The following TMEM132C variants were observed in gnomAD, a reference collection of about 807,000 sequenced individuals.
TMEM132C encodes the protein protein phosphatase 1, regulatory subunit 152.
In TMEM132C, 29 loss-of-function variants were observed where a neutral mutation model predicts 61.4. The observed-to-expected ratio is 0.47, with a 90% CI of 0.35 to 0.64. The LOEUF (loss-of-function observed/expected upper bound fraction) is 0.64. Ranked by LOEUF, TMEM132C falls within the 30% of genes least tolerant of loss-of-function variation. The pLI is 0.00. For synonymous variants in TMEM132C, 656 were observed against 633.1 expected (o/e 1.04, Z -0.54); for missense variants, 1,408 against 1,476.9 (o/e 0.95, Z 0.76).
Position 128,278,091 on chromosome 12 carries a change from C to T in TMEM132C, c.85+10604C>T, listed in dbSNP as rs983085283. On this transcript the variant is annotated intron_variant, in intron 1 of 8. Coordinates refer to ENST00000435159, the MANE Select transcript of TMEM132C (RefSeq NM_001136103.3). This position sits in a 1 kb window ranked among gnomAD's most constrained non-coding sequence, Gnocchi z 4.2. ...GGATCCCTGGGCTGAGTTGCTAAAG[C>T]CTGCCAGTTTCTCATGCCGCAGCTG... Among the ~76,000 whole-genome samples the T allele has an allele frequency of 2.0e-5, 3 of 152,068 alleles. No homozygotes were observed. The highest frequency in any genetic ancestry group is 7.2e-5 in the African/African-American group (3 of 41,420).
At chr12:128,680,358 C>T (rs190182446) in intron 5 of TMEM132C, among the ~76,000 whole-genome samples, 1 of 152,342 alleles carries the variant, frequency 6.6e-6, no homozygotes, top group East Asian at 1.9e-4. Flanking sequence ...TGCCTGATCA[C>T]CAAGCCCACA....
intron 2 of TMEM132C, among the ~76,000 whole-genome samples, chr12:128,430,993 T>A (rs1012998722): frequency 2.0e-5 from 3 of 152,214 alleles, no homozygotes; most frequent in Middle Eastern, 3.2e-3. Context: ...CATCTTTCAC[T>A]TTCAGTCAAA....
chr12:128,682,921 T>A (rs1954646928), intron 5 of TMEM132C, among the ~76,000 whole-genome samples: 1 of 152,186 alleles, frequency 6.6e-6, no homozygotes, highest in Non-Finnish European at 1.5e-5. Flanking sequence ...AACAGGGCAC[T>A]CTTCCTTGGT....
At chr12:128,492,859 G>C (rs181401392) in intron 2 of TMEM132C, among the ~76,000 whole-genome samples, 23 of 152,142 alleles carry the variant, frequency 1.5e-4, no homozygotes, top group African/African-American at 5.3e-4. Flanking sequence ...AGTTTAATTG[G>C]TCCCATTTGT....
intron 2 of TMEM132C, among the ~76,000 whole-genome samples, chr12:128,452,662 C>G (rs1870216369): frequency 6.6e-6 from 1 of 151,750 alleles, no homozygotes; most frequent in Non-Finnish European, 1.5e-5. Flanking sequence ...TGAGATCACA[C>G]CACTGCACTC....
At chr12:128,491,204 G>A (rs1308938036) in intron 2 of TMEM132C, among the ~76,000 whole-genome samples, 1 of 152,172 alleles carries the variant, frequency 6.6e-6, no homozygotes, top group Non-Finnish European at 1.5e-5. Context: ...CATTGATAAG[G>A]AGCAGGAACT....
intron 4 of TMEM132C, among the ~76,000 whole-genome samples, chr12:128,631,720 G>T (rs1954066564): frequency 6.6e-6 from 1 of 152,112 alleles, no homozygotes; most frequent in African/African-American, 2.4e-5. Flanking sequence ...CTAGCCATTT[G>T]TCTCTTTGTC....
Position 128,605,630 on chromosome 12 carries a change from C to A in TMEM132C, c.1122-10522C>A, listed in dbSNP as rs1218189880. On this transcript the variant is annotated intron_variant, in intron 3 of 8. Transcript: ENST00000435159. ...GGATCTGGTGTGATAGCCTTCGACACCCTCAGTGGCATCACGTCAAACCAC... is the reference window on the plus strand; with the variant it reads ...GGATCTGGTGTGATAGCCTTCGACAACCTCAGTGGCATCACGTCAAACCAC... Among the ~76,000 whole-genome samples the A allele has an allele frequency of 5.9e-5, 9 of 152,222 alleles. No homozygotes were observed. In the South Asian group the frequency reaches 1.0e-3, roughly 18 times the overall value.
At chr12:128,655,229 C>T (rs1408976028) in intron 4 of TMEM132C, among the ~76,000 whole-genome samples, 1 of 152,164 alleles carries the variant, frequency 6.6e-6, no homozygotes, top group African/African-American at 2.4e-5. Flanking sequence ...TCTCTTTTCT[C>T]CCCTGATGAG....
At chr12:128,405,814 T>A (rs1343122308) in intron 1 of TMEM132C, among the ~76,000 whole-genome samples, 1 of 152,158 alleles carries the variant, frequency 6.6e-6, no homozygotes, top group African/African-American at 2.4e-5. Context: ...GTGTGAAGCT[T>A]AGGAAACACC....
chr12:128,629,011 A>G (rs1954043165), intron 4 of TMEM132C, among the ~76,000 whole-genome samples: 1 of 152,182 alleles, frequency 6.6e-6, no homozygotes, highest in East Asian at 1.9e-4. Context: ...TTGTCACATG[A>G]GGAGGAAAGA....
Position 128,631,369 on chromosome 12 carries a change from T to G in TMEM132C, c.1305+15034T>G, listed in dbSNP as rs116678516. ...ATAGAGAGCATCTGTGGTGATGGAG[T>G]TGACTCACTAGAAATCAAGAACCAG... On this transcript the variant is annotated intron_variant, in intron 4 of 8. Transcript: ENST00000435159. Among the ~76,000 whole-genome samples the G allele has an allele frequency of 9.5e-3, 1,449 of 152,224 alleles. 21 individuals carry two copies. Among genetic ancestry groups the G allele is most frequent in the African/African-American group, 0.033 (1,377 of 41,534 alleles).
At chr12:128,480,475 T>C (rs1871283789) in intron 2 of TMEM132C, among the ~76,000 whole-genome samples, 2 of 152,212 alleles carry the variant, frequency 1.3e-5, no homozygotes, top group South Asian at 4.1e-4. Flanking sequence ...ACTGGAGGGT[T>C]GCAAGTTAGT....
intron 2 of TMEM132C, among the ~76,000 whole-genome samples, chr12:128,440,279 A>G (rs1386456428): frequency 6.6e-6 from 1 of 152,222 alleles, no homozygotes; most frequent in Admixed American, 6.5e-5. Context: ...CATAAGATGA[A>G]TTAGGTGCTC....
chr12:128,343,292 C>T (rs767418738), intron 1 of TMEM132C, among the ~76,000 whole-genome samples: 29 of 151,886 alleles, frequency 1.9e-4, no homozygotes, highest in African/African-American at 7.3e-5. Flanking sequence ...GGCATGGTAG[C>T]GCGTGGTTGT....
chr12:128,403,697 T>G (rs2136012355), intron 1 of TMEM132C, among the ~76,000 whole-genome samples: 1 of 128,922 alleles, frequency 7.8e-6, no homozygotes, highest in Non-Finnish European at 1.7e-5. Flanking sequence ...TTAAGGTATT[T>G]TCCAAAAGAC....
chr12:128,353,003 A>G (rs1873389088), intron 1 of TMEM132C, among the ~76,000 whole-genome samples: 1 of 152,228 alleles, frequency 6.6e-6, no homozygotes, highest in African/African-American at 2.4e-5. Flanking sequence ...GCTCCAGAGA[A>G]CATAGCCAGG....
At chr12:128,302,920 C>T (rs535641101) in intron 1 of TMEM132C, among the ~76,000 whole-genome samples, 3 of 152,222 alleles carry the variant, frequency 2.0e-5, no homozygotes, top group East Asian at 3.9e-4. Flanking sequence ...TTTTCAGATA[C>T]CTCAAATAAG....
intron 3 of TMEM132C, among the ~76,000 whole-genome samples, chr12:128,588,678 C>T (rs111837136): frequency 1.2e-4 from 18 of 152,210 alleles, no homozygotes; most frequent in Admixed American, 2.6e-4. Context: ...TTCAGGGATG[C>T]GATTCACGCC....
Sources: allele counts gnomAD v4.1 joint callset (sites outside exome capture counted in the v4.1 genomes callset), GRCh38; gene constraint gnomAD v4.1.1; non-coding constraint Gnocchi (gnomAD v3.1); transcripts MANE v1.5; gene names NCBI Gene and HGNC (gene_info 2026-07-23, HGNC 2026-07-21).